PRH1: variants seen among roughly 807,000 people sequenced by gnomAD.
The protein encoded by PRH1 is proline rich protein HaeIII subfamily 1, also known as salivary acidic proline-rich phosphoprotein 1/2.
A neutral mutation model predicts 7.9 loss-of-function variants in PRH1; 7 were observed. The ratio of observed to expected loss-of-function variants is 0.89; its 90% confidence interval spans 0.50 to 1.67. The LOEUF (loss-of-function observed/expected upper bound fraction) is 1.67, where lower values mean the gene tolerates loss of function less well. PRH1 is among the 40% of genes most tolerant of loss of function. PRH1 has a pLI of 0.00. For missense variants in PRH1, 109 were observed against 223.6 expected, an observed-to-expected ratio of 0.49 and a Z score of 3.27; for synonymous variants, 45 against 80.8, an observed-to-expected ratio of 0.56 and a Z score of 2.38.
At chr12:11,023,128 T>C (rs1332327678) in intron 1 of PRH1, among the ~76,000 whole-genome samples, 1 of 152,206 alleles carries the variant, frequency 6.6e-6, no homozygotes, top group Non-Finnish European at 1.5e-5. Context: ...ATCAAAATCA[T>C]CCAAGATTAT....
intron 1 of PRH1, among the ~76,000 whole-genome samples, chr12:11,145,459 C>G (rs1333199216): frequency 1.3e-5 from 2 of 152,180 alleles, no homozygotes; most frequent in Non-Finnish European, 2.9e-5. Context: ...TCCCAAAGTG[C>G]TAGGATTACA....
At chr12:10,936,809 T>C (rs1460048817) in intron 2 of PRH1, among the ~76,000 whole-genome samples, 1 of 152,162 alleles carries the variant, frequency 6.6e-6, no homozygotes, top group Non-Finnish European at 1.5e-5. Flanking sequence ...AAAAGCCTTA[T>C]ATCCAAATAC....
intron 1 of PRH1, among the ~76,000 whole-genome samples, chr12:11,084,249 G>T (rs1944603842): frequency 8.7e-6 from 1 of 114,962 alleles, no homozygotes; most frequent in Non-Finnish European, 2.1e-5. Flanking sequence ...AAGATGCCTT[G>T]CTGAGAAATT....
chr12:11,165,546 T>C (rs941467551), intron 1 of PRH1, among the ~76,000 whole-genome samples: 10 of 152,206 alleles, frequency 6.6e-5, no homozygotes, highest in African/African-American at 9.6e-5. Context: ...TTTTAACACA[T>C]TAATCATAAT....
chr12:11,060,609 A>G (rs984007541), intron 1 of PRH1, among the ~76,000 whole-genome samples: 28 of 152,156 alleles, frequency 1.8e-4, no homozygotes, highest in African/African-American at 6.3e-4. Context: ...AATAGCAATC[A>G]AGATCACAAT....
intron 1 of PRH1, chr12:11,091,770 G>A (rs200586631): frequency 0.27 from 193,471 of 729,692 alleles, 64,355 homozygotes; most frequent in Admixed American, 0.4. Context: ...TCTTTTGTCC[G>A]CACAATCTCA....
At chr12:11,153,222 A>C (rs1428868541) in intron 1 of PRH1, among the ~76,000 whole-genome samples, 1 of 152,194 alleles carries the variant, frequency 6.6e-6, no homozygotes, top group African/African-American at 2.4e-5. Context: ...ACTTGGAGAA[A>C]GAAAAATTAT....
chr12:10,966,342 T>TCTGA (rs1938498159), intron 2 of PRH1, among the ~76,000 whole-genome samples: 1 of 152,238 alleles, frequency 6.6e-6, no homozygotes, highest in Non-Finnish European at 1.5e-5. Flanking sequence ...GCCCCTGGAC[T>TCTGA]CTGAGTACAC....
chr12:10,970,170 T>G (rs142051978), intron 2 of PRH1, among the ~76,000 whole-genome samples: 197 of 152,354 alleles, frequency 1.3e-3, no homozygotes, highest in African/African-American at 4.3e-3. Context: ...AAGATTATAC[T>G]AAGTAAGTTT....
At chr12:11,085,194 T>A (rs1944643405) in intron 1 of PRH1, among the ~76,000 whole-genome samples, 1 of 148,756 alleles carries the variant, frequency 6.7e-6, no homozygotes, top group African/African-American at 2.5e-5. Context: ...TGAACAAGTA[T>A]AATTATGCTA....
intron 1 of PRH1, among the ~76,000 whole-genome samples, chr12:11,072,825 G>A (rs75725458): frequency 0.39 from 37,925 of 98,286 alleles, 5,718 homozygotes; most frequent in Non-Finnish European, 0.49. Flanking sequence ...GATTAAAACA[G>A]TTGGCCTTTG....
chr12:10,923,726 A>G (rs1201144540), intron 2 of PRH1, among the ~76,000 whole-genome samples: 1 of 152,212 alleles, frequency 6.6e-6, no homozygotes, highest in African/African-American at 2.4e-5. Flanking sequence ...AGTTAGTGGT[A>G]GATTCTACCC....
intron 1 of PRH1, among the ~76,000 whole-genome samples, chr12:11,121,754 TAAC>T (rs751715214): frequency 5.3e-5 from 8 of 152,152 alleles, no homozygotes; most frequent in Non-Finnish European, 1.2e-4. Context: ...CATCATTATC[TAAC>T]AACAACATAA....
intron 1 of PRH1, among the ~76,000 whole-genome samples, chr12:11,125,131 C>T (rs1444063188): frequency 1.3e-5 from 2 of 152,238 alleles, no homozygotes; most frequent in African/African-American, 2.4e-5. Flanking sequence ...GCATGAGCCA[C>T]CATGCCCGGC....
intron 2 of PRH1, among the ~76,000 whole-genome samples, chr12:10,914,851 G>A (rs1366354910): frequency 6.6e-6 from 1 of 152,164 alleles, no homozygotes; most frequent in African/African-American, 2.4e-5. Flanking sequence ...AGCCATGGCT[G>A]GGCACGGTGG....
chr12:11,063,030 G>A (rs889908216), intron 1 of PRH1, among the ~76,000 whole-genome samples: 3 of 152,060 alleles, frequency 2.0e-5, no homozygotes, highest in Non-Finnish European at 4.4e-5. Flanking sequence ...CCAGGAGGTT[G>A]TCTAGGTGAA....
chr12:10,950,461 G>A (rs1429338991), intron 2 of PRH1, among the ~76,000 whole-genome samples: 1 of 151,598 alleles, frequency 6.6e-6, no homozygotes. Flanking sequence ...ATTCACATTT[G>A]AAATGTAACT....
At chr12:11,154,554 G>T (rs540764358) in intron 1 of PRH1, among the ~76,000 whole-genome samples, 4 of 152,160 alleles carry the variant, frequency 2.6e-5, no homozygotes, top group Non-Finnish European at 5.9e-5. Flanking sequence ...TCTAGGGGAG[G>T]TGGAGGGAAG....
At chr12:10,885,331 G>A (rs550257371), upstream of PRH1, among the ~76,000 whole-genome samples, 11 of 151,566 alleles carry the variant, frequency 7.3e-5, no homozygotes, top group Non-Finnish European at 7.4e-5. Context: ...TCTTTTTCTC[G>A]CACTTATTTG....
Sources: gnomAD v4.1 joint callset for allele counts (sites outside exome capture counted in the v4.1 genomes callset) on GRCh38, gnomAD v4.1.1 for gene constraint, MANE v1.5 for transcripts, NCBI Gene and HGNC (gene_info 2026-07-23, HGNC 2026-07-21) for gene names.